The following KCNH8 variants were observed in gnomAD, a reference collection of about 807,000 sequenced individuals.
KCNH8 encodes the protein potassium voltage-gated channel subfamily H member 8.
In KCNH8, 70 loss-of-function variants were observed where a neutral mutation model predicts 103.6. The observed-to-expected ratio is 0.68, with a 90% confidence interval of 0.56 to 0.82. KCNH8 has a LOEUF of 0.82. Among genes scored for constraint, KCNH8 ranks in the 40% least tolerant of loss-of-function variants. The probability of loss-of-function intolerance (pLI) is 0.00; values close to 1 mark genes in which losing one functional copy is unlikely to be tolerated. For missense variants in KCNH8, 1,217 were observed against 1,329.9 expected (o/e 0.92, Z 1.32); for synonymous variants, 498 against 489.4 (o/e 1.02, Z -0.23).
At chr3:19,151,514 A>G (rs2063129842) in intron 1 of KCNH8, among the ~76,000 whole-genome samples, 1 of 152,148 alleles carries the variant, frequency 6.6e-6, no homozygotes. Context: ...TGTACCCAAC[A>G]TGCAGTATTA....
Position 19,160,977 on chromosome 3 carries a change from A to G in KCNH8, c.76+12182A>G, listed in dbSNP as rs1575404217. ...AAGTCAGAAAGTGCTTCCTTTAAGT[A>G]AAAAAGTGAAAGTGCTTCCTTTAAG... On this transcript the variant is annotated intron_variant, in intron 1 of 15. Transcript: ENST00000328405. 1.3e-5 allele frequency among the ~76,000 whole-genome samples: 2 copies of G among 152,156 alleles called. 1 individual carries two copies. Among genetic ancestry groups the G allele is most frequent in the East Asian group, 3.8e-4 (2 of 5,202 alleles).
chr3:19,350,878 A>C (rs2065791963), intron 5 of KCNH8, among the ~76,000 whole-genome samples: 1 of 152,150 alleles, frequency 6.6e-6, no homozygotes, highest in Admixed American at 6.6e-5. Context: ...TGGATGGAGA[A>C]TGACTTTGAC....
intron 1 of KCNH8, among the ~76,000 whole-genome samples, chr3:19,207,376 AGTG>A (rs2063728083): frequency 6.6e-6 from 1 of 152,022 alleles, no homozygotes; most frequent in African/African-American, 2.4e-5. Flanking sequence ...GCTGACACAT[AGTG>A]TGTATTCAAA....
At chr3:19,374,548 C>G (rs987411562) in intron 5 of KCNH8, among the ~76,000 whole-genome samples, 3 of 152,182 alleles carry the variant, frequency 2.0e-5, no homozygotes, top group Non-Finnish European at 1.5e-5. Flanking sequence ...TGGGTGTTGA[C>G]TCTTTATCCA....
At chr3:19,176,407 A>G (rs1455888715) in intron 1 of KCNH8, among the ~76,000 whole-genome samples, 1 of 152,156 alleles carries the variant, frequency 6.6e-6, no homozygotes, top group Non-Finnish European at 1.5e-5. Flanking sequence ...TTTCTAGTTT[A>G]AGTAAGAACA....
chr3:19,195,429 T>A lies in KCNH8; in HGVS notation c.76+46634T>A, dbSNP rs184342007. Among the ~76,000 whole-genome samples, 665 of 152,048 alleles carry A rather than the reference T, an allele frequency of 4.4e-3. 2 individuals carry two copies. Among genetic ancestry groups the A allele is most frequent in the African/African-American group, 0.015 (625 of 41,520 alleles). ...TACCCCTTTTTTCCCTCACAGTATA[T>A]TCATGTTGACAGGGTAGATGAATCA... On this transcript the variant is annotated intron_variant, in intron 1 of 15. Coordinates refer to ENST00000328405, the MANE Select transcript of KCNH8 (RefSeq NM_144633.3).
chr3:19,367,422 A>AAT (rs925251189), intron 5 of KCNH8, among the ~76,000 whole-genome samples: 2 of 146,386 alleles, frequency 1.4e-5, no homozygotes, highest in Admixed American at 6.9e-5. Flanking sequence ...ATATATCAGA[A>AAT]ATATATATAT....
intron 11 of KCNH8, among the ~76,000 whole-genome samples, chr3:19,495,900 G>T (rs571088253): frequency 3.6e-4 from 55 of 152,110 alleles, no homozygotes; most frequent in African/African-American, 1.3e-3. Context: ...AATTCTCATT[G>T]TAGAGATCTT....
chr3:19,370,186 G>GT (rs2066068585), intron 5 of KCNH8, among the ~76,000 whole-genome samples: 1 of 151,980 alleles, frequency 6.6e-6, no homozygotes, highest in Admixed American at 6.6e-5. Flanking sequence ...TGTGTTAGCT[G>GT]TTTTTTCTTG....
At chr3:19,525,361 C>A (rs531843514) in intron 15 of KCNH8, among the ~76,000 whole-genome samples, 3 of 151,958 alleles carry the variant, frequency 2.0e-5, no homozygotes, top group Non-Finnish European at 4.4e-5. Context: ...TGAGTATATT[C>A]TTTGTCTAAA....
chr3:19,162,375 A>AG (rs59397657), intron 1 of KCNH8, among the ~76,000 whole-genome samples: 1 of 150,644 alleles, frequency 6.6e-6, no homozygotes, highest in Non-Finnish European at 1.5e-5. Context: ...AAAAAAAAAA[A>AG]GTATCTGGGC....
chr3:19,472,721 TATATA>T (rs1003036064), intron 11 of KCNH8, among the ~76,000 whole-genome samples: 55 of 152,306 alleles, frequency 3.6e-4, no homozygotes, highest in African/African-American at 1.3e-3. Context: ...ACTGATTAGA[TATATA>T]ATATAAGTGA....
At chr3:19,230,390 C>A (rs2063980467) in intron 1 of KCNH8, among the ~76,000 whole-genome samples, 1 of 152,180 alleles carries the variant, frequency 6.6e-6, no homozygotes, top group African/African-American at 2.4e-5. Context: ...CTAAATTTTA[C>A]AGTTGCAAAC....
At chr3:19,290,713 T>G (rs1011540726) in intron 3 of KCNH8, among the ~76,000 whole-genome samples, 2 of 152,226 alleles carry the variant, frequency 1.3e-5, no homozygotes, top group African/African-American at 4.8e-5. Context: ...ATTCTCTTTT[T>G]TGGTTGTTTC....
intron 7 of KCNH8, among the ~76,000 whole-genome samples, chr3:19,424,812 A>T (rs1362091866): frequency 2.0e-5 from 3 of 152,176 alleles, no homozygotes; most frequent in Non-Finnish European, 4.4e-5. Context: ...TCAAAAGAAG[A>T]TATACAAATG....
intron 1 of KCNH8, among the ~76,000 whole-genome samples, chr3:19,209,966 A>AT (rs928429603): frequency 6.1e-4 from 93 of 152,132 alleles, no homozygotes; most frequent in African/African-American, 2.1e-3. Context: ...AAGGCTAGAT[A>AT]TTTGGCTTGA....
intron 2 of KCNH8, among the ~76,000 whole-genome samples, chr3:19,269,348 C>T (rs1357788368): frequency 6.6e-6 from 1 of 151,922 alleles, no homozygotes; most frequent in Non-Finnish European, 1.5e-5. Flanking sequence ...TCATGTTCCA[C>T]TATTTTTAAA....
At chr3:19,450,353 A>C in intron 9 of KCNH8, 48 bp downstream of exon 9, 2 of 1,437,192 alleles carry the variant, frequency 1.4e-6, no homozygotes, top group Non-Finnish European at 2.0e-6. Context: ...CACATATTCT[A>C]AGGTAAACGC....
intron 11 of KCNH8, among the ~76,000 whole-genome samples, chr3:19,457,307 T>C (rs571548721): frequency 3.8e-4 from 58 of 152,116 alleles, no homozygotes; most frequent in African/African-American, 1.3e-3. Context: ...AATTTAAAGA[T>C]TTCCAGATGA....
Sources: gnomAD v4.1 joint callset for allele counts (sites outside exome capture counted in the v4.1 genomes callset) on GRCh38, gnomAD v4.1.1 for gene constraint, MANE v1.5 for transcripts, NCBI Gene and HGNC (gene_info 2026-07-23, HGNC 2026-07-21) for gene names.